Variants in ELP4 observed in about 807,000 individuals in gnomAD.
The protein encoded by ELP4 is elongator acetyltransferase complex subunit 4.
Under a neutral mutation model 48.9 loss-of-function variants are expected in ELP4, and 51 were observed. The observed-to-expected ratio is 1.04, with a 90% confidence interval of 0.83 to 1.32. ELP4 has a LOEUF of 1.32. Among genes scored for constraint, ELP4 ranks in the 40% most tolerant of loss-of-function variants. The pLI, the probability that ELP4 is intolerant of heterozygous loss-of-function variation, is 0.00. For missense variants in ELP4, 519 were observed against 514.6 expected (o/e 1.01, Z -0.08); for synonymous variants, 210 against 189.2 (o/e 1.11, Z -0.90).
chr11:31,592,748 A>G (rs1454674531), intron 3 of ELP4, among the ~76,000 whole-genome samples: 1 of 151,904 alleles, frequency 6.6e-6, no homozygotes, highest in Non-Finnish European at 1.5e-5. Context: ...AACGTCTATT[A>G]TGGGAATAGA....
chr11:31,748,243 C>CTTTTT (rs374889218), intron 9 of ELP4, among the ~76,000 whole-genome samples: 1 of 130,562 alleles, frequency 7.7e-6, no homozygotes, highest in Non-Finnish European at 1.7e-5. Context: ...AAACCAAGAT[C>CTTTTT]TTTTTTTTTT....
chr11:31,536,613 A>G, intron 2 of ELP4, among the ~76,000 whole-genome samples: 1 of 152,174 alleles, frequency 6.6e-6, no homozygotes, highest in East Asian at 1.9e-4. Flanking sequence ...CGGCCTCTCA[A>G]AGCATGGGGA....
chr11:31,749,275 G>A lies in ELP4; in HGVS notation c.1144-34118G>A, dbSNP rs77697858. On this transcript the variant is annotated intron_variant, in intron 9 of 9. Transcript: ENST00000640961. Reference sequence around the variant, plus strand: ...AAAGTCAGGGATGCAGTTATCTTAAGTGTGAGTTTATGAAAGCATCAGAAA... The same window carrying A: ...AAAGTCAGGGATGCAGTTATCTTAAATGTGAGTTTATGAAAGCATCAGAAA... Among the ~76,000 whole-genome samples the A allele has an allele frequency of 5.9e-5, 9 of 152,354 alleles. No individual in the cohort carries two copies. In the East Asian group the frequency reaches 1.7e-3, roughly 29 times the overall value.
At chr11:31,630,472 G>A (rs1218032684) in intron 6 of ELP4, among the ~76,000 whole-genome samples, 1 of 151,642 alleles carries the variant, frequency 6.6e-6, no homozygotes, top group Non-Finnish European at 1.5e-5. Context: ...GGGACTACAG[G>A]TGCGCACCAC....
chr11:31,579,734 G>A (rs992726570), intron 3 of ELP4, among the ~76,000 whole-genome samples: 9 of 147,150 alleles, frequency 6.1e-5, no homozygotes, highest in Non-Finnish European at 1.2e-4. Flanking sequence ...GAATTGAACA[G>A]TGAGAACACT....
intron 9 of ELP4, among the ~76,000 whole-genome samples, chr11:31,713,814 C>T (rs991131445): frequency 6.6e-6 from 1 of 151,994 alleles, no homozygotes; most frequent in East Asian, 1.9e-4. Context: ...ATAATAAACC[C>T]CTGTGGACCT....
At chr11:31,544,340 G>A (rs1298828528) in intron 3 of ELP4, among the ~76,000 whole-genome samples, 2 of 152,234 alleles carry the variant, frequency 1.3e-5, no homozygotes, top group Non-Finnish European at 2.9e-5. Context: ...GGCGCATCAG[G>A]AGTTTATATC....
intron 3 of ELP4, among the ~76,000 whole-genome samples, chr11:31,591,961 T>C (rs11823270): frequency 0.011 from 1,657 of 152,250 alleles, 39 homozygotes; most frequent in African/African-American, 0.038. Flanking sequence ...TAGAGGAACA[T>C]TGAAAACATT....
intron 3 of ELP4, among the ~76,000 whole-genome samples, chr11:31,565,170 G>A (rs1957089270): frequency 6.6e-6 from 1 of 152,160 alleles, no homozygotes; most frequent in African/African-American, 2.4e-5. Context: ...TTGCATAAAT[G>A]TCTTCTTTTG....
intron 3 of ELP4, among the ~76,000 whole-genome samples, chr11:31,589,043 A>G (rs1957526668): frequency 6.6e-6 from 1 of 152,164 alleles, no homozygotes; most frequent in Non-Finnish European, 1.5e-5. Flanking sequence ...TGTACCTCAC[A>G]TTATACTGAG....
At chr11:31,578,570 G>T (rs1326082587) in intron 3 of ELP4, among the ~76,000 whole-genome samples, 2 of 152,122 alleles carry the variant, frequency 1.3e-5, no homozygotes, top group Admixed American at 6.5e-5. Context: ...AAAACAGCAT[G>T]GTACTGGTAC....
intron 7 of ELP4, among the ~76,000 whole-genome samples, chr11:31,635,380 G>A (rs976608409): frequency 1.3e-5 from 2 of 151,858 alleles, no homozygotes; most frequent in African/African-American, 4.8e-5. Context: ...CTGTATGGTT[G>A]GTACTGTCAT....
intron 1 of ELP4, among the ~76,000 whole-genome samples, chr11:31,515,500 TAAAAAA>T (rs1216098074): frequency 1.3e-5 from 2 of 151,726 alleles, no homozygotes; most frequent in East Asian, 3.9e-4. Context: ...ATCAAAGAAT[TAAAAAA>T]GAAAAAGAAT....
chr11:31,755,788 C>A lies in ELP4; in HGVS notation c.1144-27605C>A, dbSNP rs568364705. Among the ~76,000 whole-genome samples, 225 of 151,580 alleles carry A rather than the reference C, an allele frequency of 1.5e-3. 3 individuals are homozygous for A. The highest frequency in any genetic ancestry group is 2.1e-3 in the Non-Finnish European group (146 of 67,920). On this transcript the variant is annotated intron_variant, in intron 9 of 9. Coordinates refer to ENST00000640961, the MANE Select transcript of ELP4 (RefSeq NM_019040.5). ...CTGGACCTGGTACCTAAAATAATACCTGTAGCTTAGTAATTACTTATCAAA... is the reference window on the plus strand; with the variant it reads ...CTGGACCTGGTACCTAAAATAATACATGTAGCTTAGTAATTACTTATCAAA...
intron 9 of ELP4, among the ~76,000 whole-genome samples, chr11:31,737,144 A>T (rs1292011657): frequency 1.3e-5 from 2 of 152,256 alleles, no homozygotes; most frequent in African/African-American, 4.8e-5. Flanking sequence ...GCCATAAAAA[A>T]ATGATGAGTT....
At chr11:31,694,946 A>C (rs899792825) in intron 9 of ELP4, among the ~76,000 whole-genome samples, 1 of 152,058 alleles carries the variant, frequency 6.6e-6, no homozygotes, top group African/African-American at 2.4e-5. Flanking sequence ...TTCACTCATG[A>C]TTTGGCTCTC....
At chr11:31,547,135 C>G (rs1308584952) in intron 3 of ELP4, among the ~76,000 whole-genome samples, 1 of 152,076 alleles carries the variant, frequency 6.6e-6, no homozygotes, top group Non-Finnish European at 1.5e-5. Flanking sequence ...TAACTAAAAT[C>G]AGAGCAGAAC....
intron 3 of ELP4, among the ~76,000 whole-genome samples, chr11:31,567,936 GAGA>G (rs879360247): frequency 2.6e-4 from 39 of 152,262 alleles, no homozygotes; most frequent in Admixed American, 2.6e-3. Flanking sequence ...GGTAATTTCT[GAGA>G]AGAAGGCAAC....
chr11:31,550,905 C>A (rs1956838625), intron 3 of ELP4, among the ~76,000 whole-genome samples: 2 of 152,284 alleles, frequency 1.3e-5, no homozygotes, highest in Middle Eastern at 3.4e-3. Flanking sequence ...CTTGACTTGA[C>A]CCCTTATGCT....
Sources: allele counts gnomAD v4.1 joint callset (sites outside exome capture counted in the v4.1 genomes callset), GRCh38; gene constraint gnomAD v4.1.1; transcripts MANE v1.5; gene names NCBI Gene and HGNC (gene_info 2026-07-23, HGNC 2026-07-21).